DEFB123: variants seen among roughly 807,000 people sequenced by gnomAD.
DEFB123 encodes beta-defensin 123.
For synonymous variants in DEFB123, 22 were observed against 28.3 expected, an observed-to-expected ratio of 0.78 and a Z score of 0.71; for missense variants, 71 against 75.0, an observed-to-expected ratio of 0.95 and a Z score of 0.20.
At chr20:31,446,739 T>C (rs141838375) in intron 1 of DEFB123, among the ~76,000 whole-genome samples, 44 of 152,270 alleles carry the variant, frequency 2.9e-4, no homozygotes, top group African/African-American at 8.9e-4. Context: ...CTTAAAACAG[T>C]ATACTGTACT....
intron 1 of DEFB123, among the ~76,000 whole-genome samples, chr20:31,449,767 CAAAAAAAAAAAA>C (rs59939526): frequency 0.095 from 5,042 of 52,952 alleles, 379 homozygotes; most frequent in African/African-American, 0.25. Context: ...AGACTCATCT[CAAAAAAAAAAAA>C]AAAAAAAAAA....
intron 1 of DEFB123, among the ~76,000 whole-genome samples, chr20:31,447,860 C>T (rs187702467): frequency 0.015 from 2,145 of 146,764 alleles, 23 homozygotes; most frequent in Non-Finnish European, 0.02. Context: ...TATCTCGGCT[C>T]ACTGCAAGCT....
intron 1 of DEFB123, among the ~76,000 whole-genome samples, chr20:31,442,595 G>GC (rs1491016558): frequency 3.2e-5 from 4 of 125,376 alleles, no homozygotes; most frequent in Non-Finnish European, 4.9e-5. Flanking sequence ...AAGGTCATTT[G>GC]CTTTTTTTTT....
chr20:31,449,546 T>G (rs887041272), intron 1 of DEFB123, among the ~76,000 whole-genome samples: 1 of 151,968 alleles, frequency 6.6e-6, no homozygotes, highest in African/African-American at 2.4e-5. Context: ...TGGTGTTTGG[T>G]ATTTTTCTCC....
At chr20:31,448,878 A>ATTTTTTT (rs34804733) in intron 1 of DEFB123, among the ~76,000 whole-genome samples, 5 of 119,980 alleles carry the variant, frequency 4.2e-5, no homozygotes, top group East Asian at 2.5e-4. Context: ...CGCCCAGCTA[A>ATTTTTTT]TTTTTTTTTT....
At chr20:31,445,666 A>G (rs1277534945) in intron 1 of DEFB123, among the ~76,000 whole-genome samples, 2 of 152,046 alleles carry the variant, frequency 1.3e-5, no homozygotes, top group African/African-American at 4.8e-5. Flanking sequence ...CAGCCTCCCA[A>G]GTAGCTGGGA....
chr20:31,449,937 T>C, intron 1 of DEFB123, 92 bp from the exon 2 acceptor site: 1 of 1,420,754 alleles, frequency 7.0e-7, no homozygotes, highest in Admixed American at 2.6e-5. Flanking sequence ...GGACCTTCTA[T>C]CTCATCTGTT....
chr20:31,444,825 G>A (rs944104674), intron 1 of DEFB123, among the ~76,000 whole-genome samples: 5 of 152,056 alleles, frequency 3.3e-5, no homozygotes, highest in Admixed American at 6.6e-5. Flanking sequence ...CTCCGAAAAC[G>A]TCTCCACCTA....
chr20:31,442,116 A>T (rs1979477457), intron 1 of DEFB123, among the ~76,000 whole-genome samples: 1 of 152,120 alleles, frequency 6.6e-6, no homozygotes, highest in African/African-American at 2.4e-5. Flanking sequence ...AAACTAGGGG[A>T]GACAGTTAAA....
chr20:31,445,943 A>C (rs1194262637), intron 1 of DEFB123, among the ~76,000 whole-genome samples: 2 of 152,256 alleles, frequency 1.3e-5, no homozygotes, highest in African/African-American at 4.8e-5. Flanking sequence ...AAATTGTCCC[A>C]TCCGTGGCTA....
intron 1 of DEFB123, among the ~76,000 whole-genome samples, chr20:31,442,614 T>G (rs1979492262): frequency 6.7e-6 from 1 of 149,638 alleles, no homozygotes; most frequent in Non-Finnish European, 1.5e-5. Flanking sequence ...TTTTTTTTTT[T>G]TTTGGAGACA....
chr20:31,447,549 A>G (rs1431713619), intron 1 of DEFB123, among the ~76,000 whole-genome samples: 1 of 151,050 alleles, frequency 6.6e-6, no homozygotes, highest in Non-Finnish European at 1.5e-5. Flanking sequence ...TTTTCCTTTT[A>G]TTACTTTAAA....
rs1359473621 is a variant in DEFB123, at chr20:31,444,555, T to C, written c.58+3799T>C. Among the ~76,000 whole-genome samples, 2 of 152,194 alleles carry C rather than the reference T, an allele frequency of 1.3e-5. 1 individual carries two copies. The highest frequency in any genetic ancestry group is 3.8e-4 in the East Asian group (2 of 5,200). ...GTATAGTTTTAAAATGTGTAAGTTA[T>C]TGCTCAGTAGGCTCCACAGATGCTA... On this transcript the variant is annotated intron_variant, in intron 1 of 1. Coordinates refer to ENST00000376309, the MANE Select transcript of DEFB123 (RefSeq NM_153324.4).
At chr20:31,449,944 T>C in intron 1 of DEFB123, 85 bp from the exon 2 acceptor site, 2 of 1,458,196 alleles carry the variant, frequency 1.4e-6, no homozygotes, top group Non-Finnish European at 1.8e-6. Flanking sequence ...CTATCTCATC[T>C]GTTTCCATTC....
chr20:31,441,428 C>G (rs929870072), intron 1 of DEFB123, among the ~76,000 whole-genome samples: 2 of 152,012 alleles, frequency 1.3e-5, no homozygotes, highest in African/African-American at 4.8e-5. Context: ...AGAGGTCAGC[C>G]TATGCAAAGG....
In DEFB123 at chr20:31,449,427, G is replaced by A. The variant is rs535632444; in HGVS notation, c.59-602G>A. Among the ~76,000 whole-genome samples, 6 of 152,186 alleles carry A rather than the reference G, an allele frequency of 3.9e-5. No individual in the cohort carries two copies. The South Asian group carries it at 1.0e-3, about 26-fold the overall frequency. ...CCCACTACTAAGGCAATAGCCTTCC[G>A]AGTACTAAATGCTGCAGATTTTACA... On this transcript the variant is annotated intron_variant, in intron 1 of 1. Coordinates refer to ENST00000376309, the MANE Select transcript of DEFB123 (RefSeq NM_153324.4).
In DEFB123 at chr20:31,440,768, C is replaced by T. The variant is rs1163275240; in HGVS notation, c.58+12C>T. 40 of 1,613,030 alleles carry T rather than the reference C, an allele frequency of 2.5e-5. No homozygotes were observed. The highest frequency in any genetic ancestry group is 3.1e-5 in the Non-Finnish European group (37 of 1,180,026). ...CCAGCTGACTCCAGGTAACCTGAACCTCCTTAAGGAAGGGGCAGGGCTTAG... is the reference window on the plus strand; with the variant it reads ...CCAGCTGACTCCAGGTAACCTGAACTTCCTTAAGGAAGGGGCAGGGCTTAG... On this transcript the variant is annotated intron_variant, in intron 1 of 1. Transcript: ENST00000376309.
At chr20:31,448,112 A>G (rs2122418593) in intron 1 of DEFB123, among the ~76,000 whole-genome samples, 1 of 151,782 alleles carries the variant, frequency 6.6e-6, no homozygotes. Flanking sequence ...TTGGAGAGAC[A>G]GGGTCTCACC....
At chr20:31,449,305 CTAAG>C (rs1979677227) in intron 1 of DEFB123, among the ~76,000 whole-genome samples, 1 of 151,802 alleles carries the variant, frequency 6.6e-6, no homozygotes, top group South Asian at 2.1e-4. Context: ...TTGCATGCAG[CTAAG>C]TTAGTGGGAA....
Sources: gnomAD v4.1 joint callset for allele counts (sites outside exome capture counted in the v4.1 genomes callset) on GRCh38, gnomAD v4.1.1 for gene constraint, MANE v1.5 for transcripts, NCBI Gene and HGNC (gene_info 2026-07-23, HGNC 2026-07-21) for gene names.